MAP4K5: variants seen among roughly 807,000 people sequenced by gnomAD.
MAP4K5 encodes MAPK/ERK kinase kinase kinase 5.
MAP4K5 carries 82 observed loss-of-function variants against 135.6 expected under a neutral mutation model. That is an observed-to-expected ratio of 0.60 (90% confidence interval 0.51 to 0.73). MAP4K5 has a LOEUF of 0.73. Ranked by LOEUF, MAP4K5 falls within the 30% of genes least tolerant of loss-of-function variation. The probability of loss-of-function intolerance (pLI) is 0.00; values close to 1 mark genes in which losing one functional copy is unlikely to be tolerated. For missense variants in MAP4K5, 907 were observed against 1,010.9 expected, an observed-to-expected ratio of 0.90 and a Z score of 1.39; for synonymous variants, 347 against 335.0, an observed-to-expected ratio of 1.04 and a Z score of -0.39.
At chr14:50,546,381 C>CGT (rs544174974) in intron 1 of MAP4K5, among the ~76,000 whole-genome samples, 27 of 150,258 alleles carry the variant, frequency 1.8e-4, no homozygotes, top group Non-Finnish European at 2.8e-4. Context: ...TGTGTGTGTG[C>CGT]GTGTGTGTGT....
In MAP4K5 at chr14:50,456,299, G is replaced by T. The variant is rs1029133272; in HGVS notation, c.1015+217C>A. On this transcript the variant is annotated intron_variant, in intron 14 of 32. Transcript: ENST00000682126. ...TTTTCTTGCAGATTTTCAGCAATGGGCATGATTTTGTCCATAACTGGAAAA... is the reference window on the plus strand; with the variant it reads ...TTTTCTTGCAGATTTTCAGCAATGGTCATGATTTTGTCCATAACTGGAAAA... The T allele has an allele frequency of 1.2e-5, 6 of 509,780 alleles. No individual in the cohort carries two copies. In the African/African-American group the frequency reaches 1.2e-4, roughly 10 times the overall value. 31.6% of individuals were successfully genotyped at this position (509,780 alleles called of 1,614,324 possible).
At chr14:50,428,837 A>G (rs996985875) in intron 29 of MAP4K5, 83 bp from the exon 30 acceptor site, 1 of 707,682 alleles carries the variant, frequency 1.4e-6, no homozygotes, top group African/African-American at 1.8e-5. Flanking sequence ...TTTTACATGG[A>G]TATCAAATAA....
chr14:50,504,901 G>C, intron 2 of MAP4K5, 44 bp from the exon 3 acceptor site: 2 of 1,259,244 alleles, frequency 1.6e-6, no homozygotes, highest in Non-Finnish European at 2.2e-6. Flanking sequence ...TTAAAAGCTT[G>C]TTAATTACAT....
intron 2 of MAP4K5, among the ~76,000 whole-genome samples, chr14:50,527,610 C>G (rs1265575374): frequency 6.6e-6 from 1 of 152,066 alleles, no homozygotes; most frequent in Admixed American, 6.5e-5. Context: ...CAGTACCTAT[C>G]TCTGAGTAAT....
chr14:50,462,577 T>C lies in MAP4K5; in HGVS notation c.936+88A>G, dbSNP rs185769358. The C allele has an allele frequency of 1.3e-4, 106 of 819,972 alleles. 2 individuals carry two copies. The East Asian group carries it at 1.6e-3, about 12-fold the overall frequency. 50.8% of individuals were successfully genotyped at this position (819,972 alleles called of 1,614,324 possible). A position where few individuals can be genotyped will look rare whatever the true frequency, so the allele number is the denominator to read the frequency against. On this transcript the variant is annotated intron_variant, in intron 13 of 32. Transcript: ENST00000682126. Reference sequence around the variant, plus strand: ...AACCTGTTTTAACTAAGTTAAAAGATAGACTCAGAAAACAAAGAAAAAAAA... The same window carrying C: ...AACCTGTTTTAACTAAGTTAAAAGACAGACTCAGAAAACAAAGAAAAAAAA...
chr14:50,558,439 C>G (rs1292287519), intron 1 of MAP4K5, among the ~76,000 whole-genome samples: 2 of 152,140 alleles, frequency 1.3e-5, no homozygotes, highest in African/African-American at 2.4e-5. Context: ...AGGCAAGGAT[C>G]AATGGATGCT....
chr14:50,510,439 T>G (rs2037907408), intron 2 of MAP4K5, among the ~76,000 whole-genome samples: 1 of 152,182 alleles, frequency 6.6e-6, no homozygotes, highest in Non-Finnish European at 1.5e-5. Context: ...AAGGCTGGAT[T>G]AAGTGTGTTG....
At chr14:50,447,283 A>G in intron 16 of MAP4K5, 131 bp downstream of exon 16, 1 of 583,922 alleles carries the variant, frequency 1.7e-6, no homozygotes, top group Non-Finnish European at 2.9e-6. Flanking sequence ...TAAAACTCAA[A>G]AGCTTTACCT....
Position 50,447,424 on chromosome 14 carries a change from T to C in MAP4K5, c.1132A>G (p.Asn378Asp). The change falls in exon 16 of 33, where the codon AAT becomes GAT. Residue 378 changes from asparagine to aspartate, a missense_variant. This residue lies in a region of MAP4K5 where 690 missense variants were observed against 777.4 expected (regional missense o/e 0.89). Coordinates refer to ENST00000682126, the MANE Select transcript of MAP4K5 (RefSeq NM_006575.6). ...TAGAAAACAACTTACTTGCCAGTAT[T>C]TGCACCATCAACAAAAGGATTCCAC... ...LQWNPFVDGA[N>D]TGKSTSKRAI... 2 of 1,547,560 alleles carry C rather than the reference T, an allele frequency of 1.3e-6. No homozygotes were observed. Among genetic ancestry groups the C allele is most frequent in the Non-Finnish European group, 1.7e-6 (2 of 1,143,492 alleles).
intron 2 of MAP4K5, among the ~76,000 whole-genome samples, chr14:50,521,811 C>T (rs575485707): frequency 6.6e-6 from 1 of 152,142 alleles, no homozygotes; most frequent in Non-Finnish European, 1.5e-5. Flanking sequence ...TTCATCTTGT[C>T]CTTCTCAGAG....
chr14:50,431,276 A>T (rs2139653604), intron 28 of MAP4K5, among the ~76,000 whole-genome samples: 1 of 151,952 alleles, frequency 6.6e-6, no homozygotes, highest in Non-Finnish European at 1.5e-5. Context: ...ATTATACTTT[A>T]AGTTTTAGGG....
chr14:50,430,118 A>G (rs954015451), intron 28 of MAP4K5, among the ~76,000 whole-genome samples: 14 of 152,230 alleles, frequency 9.2e-5, no homozygotes, highest in Admixed American at 5.9e-4. Context: ...ACTTCTGAAC[A>G]TATTCACACA....
intron 14 of MAP4K5, among the ~76,000 whole-genome samples, chr14:50,452,865 A>G (rs1011374980): frequency 6.6e-6 from 1 of 152,228 alleles, no homozygotes; most frequent in Non-Finnish European, 1.5e-5. Context: ...GACCAAACTG[A>G]TAACTACATG....
intron 1 of MAP4K5, chr14:50,560,396 T>C (rs2038822527): frequency 1.3e-6 from 2 of 1,486,198 alleles, no homozygotes; most frequent in African/African-American, 2.8e-5. Flanking sequence ...GGCTGCTAGG[T>C]GCCTGCGTCC....
rs946750390 is a variant in MAP4K5 at position 50,558,915 on chromosome 14, C to T, written c.-180+2125G>A. The stretch of plus-strand genomic sequence containing the variant: ...GTAAACTTGGTTACAGTGTTCACGA[C>T]TCTGCAGTCACTAGAACCAGTAACT... On this transcript the variant is annotated intron_variant, in intron 1 of 8. Coordinates refer to the MAP4K5 transcript ENST00000555216. Among the ~76,000 whole-genome samples, 3 of 141,070 alleles carry T rather than the reference C, an allele frequency of 2.1e-5. No individual in the cohort carries two copies. In the Admixed American group the frequency reaches 2.1e-4, roughly 10 times the overall value. 92.5% of individuals were successfully genotyped at this position (141,070 alleles called of 152,430 possible).
rs2036380524 is a variant in MAP4K5, at chr14:50,447,456, A to G, written c.1100T>C (p.Met367Thr). The change falls in exon 16 of 33, where the codon ATG (methionine) becomes ACG (threonine). Residue 367 changes from methionine (M) to threonine (T), a missense_variant. Physicochemically the swap from Met to Thr is moderately conservative, Grantham distance 81. Transcript: ENST00000682126. ...EMGLSSDPNF[M>T]LQWNPFVDGA... The stretch of plus-strand genomic sequence containing the variant: ...ATCAACAAAAGGATTCCACTGTAAC[A>G]TGAAATTTGGGTCTGATGACAATCC... 1.3e-6 allele frequency: 2 copies of G among 1,552,310 alleles called. No individual in the cohort carries two copies. The highest frequency in any genetic ancestry group is 1.7e-6 in the Non-Finnish European group (2 of 1,146,848).
intron 1 of MAP4K5, among the ~76,000 whole-genome samples, chr14:50,547,023 C>G (rs190882592): frequency 6.6e-6 from 1 of 152,054 alleles, no homozygotes; most frequent in African/African-American, 2.4e-5. Flanking sequence ...GTGTTTCTCA[C>G]TCATAAGTGG....
chr14:50,545,051 A>G (rs1018980790), intron 1 of MAP4K5, among the ~76,000 whole-genome samples: 3 of 152,092 alleles, frequency 2.0e-5, no homozygotes, highest in Admixed American at 6.5e-5. Context: ...GCTGTGAGCC[A>G]AGGCCATGAT....
intron 1 of MAP4K5, chr14:50,559,933 G>T: frequency 1.2e-5 from 5 of 407,448 alleles, no homozygotes; most frequent in Non-Finnish European, 2.3e-5. Flanking sequence ...GTGTGTTCGA[G>T]GGGGGTGCTG....
Sources: gnomAD v4.1 joint callset for allele counts (sites outside exome capture counted in the v4.1 genomes callset) on GRCh38, gnomAD v4.1.1 for gene constraint, gnomAD v4.1.1 regional missense constraint, MANE v1.5 for transcripts, NCBI Gene and HGNC (gene_info 2026-07-23, HGNC 2026-07-21) for gene names.